Variants in BNC2 observed in about 807,000 individuals in gnomAD.
BNC2 encodes basonuclin zinc finger protein 2, also known as zinc finger protein basonuclin-2.
BNC2 carries 20 observed loss-of-function variants against 76.3 expected under a neutral mutation model. The ratio of observed to expected loss-of-function variants is 0.26; its 90% CI spans 0.18 to 0.38. The LOEUF is 0.38. Ranked by LOEUF, BNC2 falls within the 10% of genes least tolerant of loss-of-function variation. The pLI, the probability that BNC2 is intolerant of heterozygous loss-of-function variation, is 1.00. For missense variants in BNC2, 1,382 were observed against 1,399.8 expected (o/e 0.99, Z 0.20); for synonymous variants, 582 against 514.8 (o/e 1.13, Z -1.77).
intron 5 of BNC2, among the ~76,000 whole-genome samples, chr9:16,511,251 A>G (rs1391796039): frequency 6.6e-6 from 1 of 151,164 alleles, no homozygotes; most frequent in Non-Finnish European, 1.5e-5. Context: ...GTGAGACTAC[A>G]GGCACCTGAC....
chr9:16,820,738 G>A (rs1477362402), intron 1 of BNC2, among the ~76,000 whole-genome samples: 2 of 151,756 alleles, frequency 1.3e-5, no homozygotes, highest in South Asian at 2.1e-4. Flanking sequence ...ATATAAACAA[G>A]TGGTCTTTTT....
intron 3 of BNC2, among the ~76,000 whole-genome samples, chr9:16,667,149 C>G (rs1696141753): frequency 6.6e-6 from 1 of 151,908 alleles, no homozygotes; most frequent in South Asian, 2.1e-4. Context: ...AGTACTGTCA[C>G]TAGAATACAT....
chr9:16,669,184 G>C (rs529833629), intron 3 of BNC2, among the ~76,000 whole-genome samples: 29 of 152,226 alleles, frequency 1.9e-4, no homozygotes, highest in African/African-American at 7.0e-4. Flanking sequence ...GTATTGATTG[G>C]AGCCTGAGAA....
intron 6 of BNC2, among the ~76,000 whole-genome samples, chr9:16,426,747 G>A (rs1266788554): frequency 3.3e-5 from 5 of 151,232 alleles, no homozygotes; most frequent in African/African-American, 1.2e-4. Context: ...TTAATATTTA[G>A]AAACGGATGA....
At chr9:16,433,883 G>C (rs1563780469) in intron 6 of BNC2, among the ~76,000 whole-genome samples, 1 of 151,738 alleles carries the variant, frequency 6.6e-6, no homozygotes, top group Non-Finnish European at 1.5e-5. Flanking sequence ...TTTTATTTTT[G>C]TTTAAAAAAA....
At chr9:16,665,567 A>C (rs1822266981) in intron 3 of BNC2, among the ~76,000 whole-genome samples, 2 of 152,142 alleles carry the variant, frequency 1.3e-5, no homozygotes, top group African/African-American at 4.8e-5. Flanking sequence ...TTACCATCTT[A>C]TTTTACCATT....
chr9:16,459,136 T>A lies in BNC2; in HGVS notation c.670-21612A>T, dbSNP rs903994520. On this transcript the variant is annotated intron_variant, in intron 5 of 6. Coordinates refer to ENST00000380672, the MANE Select transcript of BNC2 (RefSeq NM_017637.6). ...AAATAGAAGCCAAAACACATCCATA[T>A]ACATGCATTTCCTCTCCCTTAGGAT... 5.9e-5 allele frequency among the ~76,000 whole-genome samples: 9 copies of A among 152,226 alleles called. No homozygotes were observed. The East Asian group carries it at 1.7e-3, about 29-fold the overall frequency.
chr9:16,794,426 C>T (rs755949879), intron 1 of BNC2, among the ~76,000 whole-genome samples: 209 of 152,144 alleles, frequency 1.4e-3, no homozygotes, highest in African/African-American at 4.8e-3. Flanking sequence ...CAACCGCCAC[C>T]CCCAGCCACC....
intron 3 of BNC2, among the ~76,000 whole-genome samples, chr9:16,611,821 T>C (rs1034999309): frequency 3.4e-5 from 2 of 58,100 alleles, no homozygotes; most frequent in East Asian, 8.4e-4. Context: ...GGAACAATTC[T>C]TGATTTAACA....
At chr9:16,711,824 C>T (rs1215181477) in intron 3 of BNC2, among the ~76,000 whole-genome samples, 1 of 152,178 alleles carries the variant, frequency 6.6e-6, no homozygotes, top group African/African-American at 2.4e-5. Context: ...TTCAAAAATA[C>T]TAAAAGGCAA....
intron 5 of BNC2, among the ~76,000 whole-genome samples, chr9:16,457,550 T>A (rs1587050402): frequency 6.6e-6 from 1 of 152,260 alleles, no homozygotes; most frequent in African/African-American, 2.4e-5. Context: ...TTCTCCAGCA[T>A]TAAATTGTGA....
chr9:16,869,347 C>A (rs1022777894), intron 1 of BNC2, among the ~76,000 whole-genome samples: 1 of 152,124 alleles, frequency 6.6e-6, no homozygotes, highest in African/African-American at 2.4e-5. Context: ...ATAAATCGCA[C>A]GCTGCTTTCA....
At chr9:16,780,251 A>AAAC (rs1554729489) in intron 1 of BNC2, among the ~76,000 whole-genome samples, 3 of 101,890 alleles carry the variant, frequency 2.9e-5, no homozygotes, top group African/African-American at 1.1e-4. Context: ...AAAAAAAAAA[A>AAAC]AAAAACAAAA....
intron 3 of BNC2, among the ~76,000 whole-genome samples, chr9:16,709,319 CTT>C (rs1198026049): frequency 6.6e-6 from 1 of 152,222 alleles, no homozygotes; most frequent in Non-Finnish European, 1.5e-5. Context: ...GAAGGAATAA[CTT>C]GAATCAGCAA....
intron 5 of BNC2, among the ~76,000 whole-genome samples, chr9:16,500,933 T>C (rs1378207664): frequency 2.6e-5 from 4 of 152,198 alleles, no homozygotes; most frequent in Non-Finnish European, 5.9e-5. Flanking sequence ...GACAGTGGTG[T>C]GTCTTCTAGT....
At chr9:16,718,723 G>A (rs892777299) in intron 3 of BNC2, among the ~76,000 whole-genome samples, 1 of 152,158 alleles carries the variant, frequency 6.6e-6, no homozygotes, top group Non-Finnish European at 1.5e-5. Flanking sequence ...CATAGTATAA[G>A]GAATAATTAC....
intron 4 of BNC2, among the ~76,000 whole-genome samples, chr9:16,566,435 A>G (rs1819169747): frequency 6.6e-6 from 1 of 152,140 alleles, no homozygotes; most frequent in Non-Finnish European, 1.5e-5. Context: ...TCACAGAATA[A>G]GTGAAGGTGG....
chr9:16,775,442 T>C (rs534824709), intron 1 of BNC2: 13 of 151,796 alleles, frequency 8.6e-5, no homozygotes, highest in African/African-American at 3.1e-4. Flanking sequence ...GTATGTGTGC[T>C]AGAATTAAAA....
At chr9:16,490,131 A>G (rs990931253) in intron 5 of BNC2, among the ~76,000 whole-genome samples, 1 of 152,192 alleles carries the variant, frequency 6.6e-6, no homozygotes. Flanking sequence ...AGCTCACTGT[A>G]TTAGTCCATT....
Sources: allele counts gnomAD v4.1 joint callset (sites outside exome capture counted in the v4.1 genomes callset), GRCh38; gene constraint gnomAD v4.1.1; transcripts MANE v1.5; gene names NCBI Gene and HGNC (gene_info 2026-07-23, HGNC 2026-07-21).